Variants in PDE10A observed in about 807,000 individuals in gnomAD.
The protein encoded by PDE10A is phosphodiesterase 10A.
Under a neutral mutation model 97.7 loss-of-function variants are expected in PDE10A, and 39 were observed. The observed-to-expected ratio is 0.40, with a 90% CI of 0.31 to 0.52. The LOEUF (loss-of-function observed/expected upper bound fraction) is 0.52, where lower values mean the gene tolerates loss of function less well. Ranked by LOEUF, PDE10A falls within the 20% of genes least tolerant of loss-of-function variation. The pLI is 0.56. For missense variants in PDE10A, 731 were observed against 1,047.8 expected (o/e 0.70, Z 4.17); for synonymous variants, 371 against 376.8 (o/e 0.98, Z 0.18).
Position 165,688,884 on chromosome 6 carries a change from G to A in PDE10A, c.-614-145316C>T, listed in dbSNP as rs1791195869. ...TGTGAGTGTGTACAGATGGAACTGT[G>A]GTGAAATGTGGCAGGGGAGGAATGA... On this transcript the variant is annotated intron_variant, in intron 1 of 19. Coordinates refer to the PDE10A transcript ENST00000366882. Among the ~76,000 whole-genome samples, 4 of 152,246 alleles carry A rather than the reference G, an allele frequency of 2.6e-5. No homozygotes were observed. The South Asian group carries it at 8.3e-4, about 32-fold the overall frequency.
chr6:165,819,750 A>G lies in PDE10A; in HGVS notation c.-615+167779T>C, dbSNP rs1779517527. Among the ~76,000 whole-genome samples, 1 of 152,160 alleles carries G rather than the reference A, an allele frequency of 6.6e-6. No individual in the cohort carries two copies. The highest frequency in any genetic ancestry group is 2.4e-5 in the African/African-American group (1 of 41,426). The stretch of plus-strand genomic sequence containing the variant: ...CCGCTGTGAGCACATTCCGGCCAGG[A>G]TCTGAAACCTACTGCAGTGCCTACA... On this transcript the variant is annotated intron_variant, in intron 1 of 19. Coordinates refer to the PDE10A transcript ENST00000366882. The surrounding 1 kb of genome is among the most constrained non-coding windows in gnomAD (Gnocchi z 4.2).
chr6:165,926,817 G>A (rs1782948348), intron 1 of PDE10A, among the ~76,000 whole-genome samples: 1 of 152,166 alleles, frequency 6.6e-6, no homozygotes, highest in South Asian at 2.1e-4. Context: ...TTATAATGAA[G>A]ATGTTGTACT....
At chr6:165,372,809 C>T (rs1197520996) in intron 18 of PDE10A, among the ~76,000 whole-genome samples, 12 of 146,502 alleles carry the variant, frequency 8.2e-5, no homozygotes, top group Non-Finnish European at 1.5e-4. Flanking sequence ...GGAGGCATCA[C>T]GCTACCTGAC....
intron 1 of PDE10A, among the ~76,000 whole-genome samples, chr6:165,552,044 A>G (rs568040957): frequency 1.3e-5 from 2 of 152,032 alleles, no homozygotes; most frequent in East Asian, 3.9e-4. Context: ...GCTCAGTGAG[A>G]CATTTAGCCA....
chr6:165,343,498 G>C lies in PDE10A; in HGVS notation c.2788C>G (p.Arg930Gly). ...LNLNNQSHRD[R>G]VIGLMMTACD... ...GCAGTCATCATCAAACCAATTACAC[G>C]GTCTCTAGAACACAACAATATAAGA... The change falls in exon 19 of 22, where the codon CGT becomes GGT. Residue 930 changes from arginine to glycine, a missense_variant. Transcript: ENST00000539869. The C allele has an allele frequency of 6.2e-7, 1 of 1,609,064 alleles. No homozygotes were observed. Among genetic ancestry groups the C allele is most frequent in the Non-Finnish European group, 8.5e-7 (1 of 1,175,524 alleles).
intron 3 of PDE10A, among the ~76,000 whole-genome samples, chr6:165,455,251 G>T (rs1395402561): frequency 2.0e-5 from 3 of 152,078 alleles, no homozygotes; most frequent in Non-Finnish European, 2.9e-5. Flanking sequence ...AATCAAAAGG[G>T]GTTCATGGAG....
At chr6:165,523,816 G>A (rs749260638) in intron 2 of PDE10A, among the ~76,000 whole-genome samples, 2 of 152,100 alleles carry the variant, frequency 1.3e-5, no homozygotes, top group Non-Finnish European at 2.9e-5. Context: ...TTAACAAACA[G>A]ACCATTGTGA....
chr6:165,456,050 G>T (rs1472966631), intron 3 of PDE10A, among the ~76,000 whole-genome samples: 1 of 152,158 alleles, frequency 6.6e-6, no homozygotes, highest in Non-Finnish European at 1.5e-5. Context: ...TCTGTAACCA[G>T]ATCCTATTCG....
At chr6:165,616,792 T>C (rs1294330076) in intron 1 of PDE10A, among the ~76,000 whole-genome samples, 3 of 152,154 alleles carry the variant, frequency 2.0e-5, no homozygotes, top group Non-Finnish European at 4.4e-5. Flanking sequence ...TGATCTCTGT[T>C]CAACAAAGAC....
chr6:165,809,151 C>A (rs1779212692), intron 1 of PDE10A, among the ~76,000 whole-genome samples: 1 of 152,182 alleles, frequency 6.6e-6, no homozygotes, highest in African/African-American at 2.4e-5. Flanking sequence ...TTCTCTGAGG[C>A]CCTGGGACCT....
intron 2 of PDE10A, among the ~76,000 whole-genome samples, chr6:165,514,805 A>G (rs549842974): frequency 1.1e-3 from 167 of 152,320 alleles, no homozygotes; most frequent in Non-Finnish European, 1.9e-3. Context: ...CATGATGCCC[A>G]CAGTTTTTAC....
chr6:165,898,515 GATCCCACC>G (rs1185255093), intron 1 of PDE10A, among the ~76,000 whole-genome samples: 6 of 152,138 alleles, frequency 3.9e-5, no homozygotes, highest in Admixed American at 3.9e-4. Flanking sequence ...CCCGTGCTGT[GATCCCACC>G]ATCAAAACAG....
intron 20 of PDE10A, among the ~76,000 whole-genome samples, chr6:165,336,739 G>C (rs1437156705): frequency 7.8e-6 from 1 of 127,834 alleles, no homozygotes; most frequent in Non-Finnish European, 1.6e-5. Context: ...CTGGGCGACA[G>C]AGCGAGACTC....
At chr6:165,891,963 TAATGTGATGAAG>T (rs1781813913) in intron 1 of PDE10A, among the ~76,000 whole-genome samples, 2 of 86,788 alleles carry the variant, frequency 2.3e-5, no homozygotes, top group Non-Finnish European at 2.5e-5. Flanking sequence ...TTTTTTTTTT[TAATGTGATGAAG>T]TTTTGCAGCT....
rs1012471875 is a variant in PDE10A at position 165,970,923 on chromosome 6, G to T, written c.-615+16606C>A. On this transcript the variant is annotated intron_variant, in intron 1 of 19. Transcript: ENST00000366882. Reference sequence around the variant, plus strand: ...GCACTTTGGGAGGCCAAGGCAGGTGGATTACCTGAGATCAGGAATTCGAGA... The same window carrying T: ...GCACTTTGGGAGGCCAAGGCAGGTGTATTACCTGAGATCAGGAATTCGAGA... Among the ~76,000 whole-genome samples the T allele has an allele frequency of 2.0e-5, 3 of 152,202 alleles. No individual in the cohort carries two copies. The East Asian group carries it at 5.8e-4, about 29-fold the overall frequency.
At chr6:165,700,963 G>GATACGTGC (rs1199425605) in intron 1 of PDE10A, among the ~76,000 whole-genome samples, 1 of 152,182 alleles carries the variant, frequency 6.6e-6, no homozygotes, top group Non-Finnish European at 1.5e-5. Flanking sequence ...AGCTATGTCT[G>GATACGTGC]ATACGTGCAT....
rs189540071 is a variant in PDE10A, at chr6:165,537,391, T to C, written c.994+6049A>G. Among the ~76,000 whole-genome samples the C allele has an allele frequency of 3.3e-3, 505 of 152,086 alleles. 5 individuals carry two copies. The highest frequency in any genetic ancestry group is 7.1e-4 in the Non-Finnish European group (48 of 67,882). ...GGTAGCACAATAGGGGGACCAATCATTAAACCTGAATAGTAGATTTGGGAT... is the reference window on the plus strand; with the variant it reads ...GGTAGCACAATAGGGGGACCAATCACTAAACCTGAATAGTAGATTTGGGAT... On this transcript the variant is annotated intron_variant, in intron 2 of 21. Coordinates refer to ENST00000539869, the MANE Select transcript of PDE10A (RefSeq NM_001385079.1).
intron 1 of PDE10A, among the ~76,000 whole-genome samples, chr6:165,710,661 T>A (rs1277512426): frequency 6.6e-6 from 1 of 152,208 alleles, no homozygotes; most frequent in Admixed American, 6.5e-5. Context: ...GCAATAAAAG[T>A]CATCAGATAA....
chr6:165,377,093 A>T (rs552698), intron 18 of PDE10A, among the ~76,000 whole-genome samples: 1 of 152,226 alleles, frequency 6.6e-6, no homozygotes, highest in Non-Finnish European at 1.5e-5. Flanking sequence ...GCATTTTTAA[A>T]TTAAGGTGTG....
Sources: gnomAD v4.1 joint callset for allele counts (sites outside exome capture counted in the v4.1 genomes callset) on GRCh38, gnomAD v4.1.1 for gene constraint, Gnocchi (gnomAD v3.1) non-coding constraint, MANE v1.5 for transcripts, NCBI Gene and HGNC (gene_info 2026-07-23, HGNC 2026-07-21) for gene names.